The following RPH3A variants were observed in gnomAD, a reference collection of about 807,000 sequenced individuals.
The protein encoded by RPH3A is rabphilin-3A.
In RPH3A, 48 loss-of-function variants were observed where a neutral mutation model predicts 102.2. The observed-to-expected ratio is 0.47, with a 90% CI of 0.37 to 0.60. The LOEUF (loss-of-function observed/expected upper bound fraction) is 0.60. Among genes scored for constraint, RPH3A ranks in the 20% least tolerant of loss-of-function variants. The pLI, the probability that RPH3A is intolerant of heterozygous loss-of-function variation, is 0.00. For missense variants in RPH3A, 781 were observed against 910.1 expected, an observed-to-expected ratio of 0.86 and a Z score of 1.83; for synonymous variants, 310 against 324.3, an observed-to-expected ratio of 0.96 and a Z score of 0.47.
chr12:112,617,412 G>T (rs1201303894), intron 1 of RPH3A, among the ~76,000 whole-genome samples: 1 of 152,280 alleles, frequency 6.6e-6, no homozygotes, highest in Non-Finnish European at 1.5e-5. Context: ...AAGGCTGGTT[G>T]GATTCAGGTT....
intron 1 of RPH3A, among the ~76,000 whole-genome samples, chr12:112,645,694 T>C (rs1417227898): frequency 2.0e-5 from 3 of 152,194 alleles, no homozygotes; most frequent in Admixed American, 6.5e-5. Context: ...TTGGATTTCA[T>C]AGGATGTCTC....
chr12:112,828,410 GGGA>G, intron 3 of RPH3A, 21 bp downstream of exon 3: 1 of 1,580,738 alleles, frequency 6.3e-7, no homozygotes, highest in African/African-American at 1.4e-5. Flanking sequence ...GCATCTTCCT[GGGA>G]GTGGCTTGTT....
intron 1 of RPH3A, among the ~76,000 whole-genome samples, chr12:112,724,238 T>A (rs2040571666): frequency 1.3e-5 from 2 of 151,924 alleles, no homozygotes; most frequent in Non-Finnish European, 2.9e-5. Context: ...AAATAATTTT[T>A]TTGTTTGGTA....
At chr12:112,732,189 C>G (rs56301544) in intron 1 of RPH3A, among the ~76,000 whole-genome samples, 4,346 of 152,196 alleles carry the variant, frequency 0.029, 214 homozygotes, top group African/African-American at 0.098. Flanking sequence ...CAGAATGATG[C>G]CCAAGGGAAA....
chr12:112,621,216 G>A lies in RPH3A; in HGVS notation c.-140+45897G>A, dbSNP rs139175976. 7.3e-3 allele frequency among the ~76,000 whole-genome samples: 1,109 copies of A among 152,098 alleles called. 18 individuals are homozygous for A. Among genetic ancestry groups the A allele is most frequent in the African/African-American group, 0.026 (1,077 of 41,482 alleles). On this transcript the variant is annotated intron_variant, in intron 1 of 21. Transcript: ENST00000543106. ...TTGGGTTGGAGGAGCCAAGATGGCC[G>A]AATAGGAACAGCTCCGGTCTACAGC...
intron 19 of RPH3A, chr12:112,894,085 G>A (rs921184241): frequency 1.2e-5 from 2 of 165,438 alleles, no homozygotes; most frequent in African/African-American, 4.8e-5. Flanking sequence ...GTTTTGAGAA[G>A]TGGAGTGACA....
At chr12:112,755,463 G>GGTAGA (rs1310934601) in intron 1 of RPH3A, among the ~76,000 whole-genome samples, 8 of 152,170 alleles carry the variant, frequency 5.3e-5, no homozygotes, top group African/African-American at 1.9e-4. Context: ...GCTCATGCTA[G>GGTAGA]GTAGAGTGTT....
intron 2 of RPH3A, among the ~76,000 whole-genome samples, chr12:112,811,913 T>C (rs1300766913): frequency 6.6e-6 from 1 of 152,146 alleles, no homozygotes; most frequent in Non-Finnish European, 1.5e-5. Flanking sequence ...ATCCAGAGGC[T>C]CAACAATAGG....
At chr12:112,850,845 C>A (rs998512396) in intron 5 of RPH3A, 3 of 152,150 alleles carry the variant, frequency 2.0e-5, no homozygotes, top group Non-Finnish European at 4.4e-5. Context: ...AGTTCCCCAC[C>A]CATCAAATGA....
chr12:112,741,191 A>C (rs533776217), intron 1 of RPH3A, among the ~76,000 whole-genome samples: 5 of 152,224 alleles, frequency 3.3e-5, no homozygotes, highest in Non-Finnish European at 7.3e-5. Context: ...AAAACAAAAC[A>C]GAAAACAAGT....
intron 5 of RPH3A, among the ~76,000 whole-genome samples, chr12:112,849,412 T>C (rs962626450): frequency 8.1e-6 from 1 of 123,346 alleles, no homozygotes; most frequent in African/African-American, 3.6e-5. Context: ...ACTGGCAGTG[T>C]GTGTGTGTGT....
At chr12:112,815,718 C>G (rs1003104746) in intron 2 of RPH3A, among the ~76,000 whole-genome samples, 1 of 152,220 alleles carries the variant, frequency 6.6e-6, no homozygotes, top group South Asian at 2.1e-4. Flanking sequence ...CAGCCAGGGG[C>G]CATTAAGCTA....
chr12:112,668,800 T>A (rs1306073978), intron 1 of RPH3A, among the ~76,000 whole-genome samples: 1 of 152,110 alleles, frequency 6.6e-6, no homozygotes, highest in Non-Finnish European at 1.5e-5. Context: ...GTTCAGCATA[T>A]GTATTCCAGA....
intron 1 of RPH3A, among the ~76,000 whole-genome samples, chr12:112,598,103 G>A (rs2039531218): frequency 6.6e-6 from 1 of 152,236 alleles, no homozygotes; most frequent in African/African-American, 2.4e-5. Context: ...CACAGTTGCT[G>A]AGGGCAACCG....
At chr12:112,604,825 T>A (rs2039583556) in intron 1 of RPH3A, among the ~76,000 whole-genome samples, 1 of 152,174 alleles carries the variant, frequency 6.6e-6, no homozygotes, top group Non-Finnish European at 1.5e-5. Context: ...GTCTCTCAGT[T>A]CCTTGTCTCG....
At chr12:112,708,899 A>T (rs1203417404) in intron 1 of RPH3A, among the ~76,000 whole-genome samples, 1 of 152,220 alleles carries the variant, frequency 6.6e-6, no homozygotes, top group Non-Finnish European at 1.5e-5. Flanking sequence ...TGCTATAGAT[A>T]GGAAAATAAA....
chr12:112,607,285 C>T (rs1009892528), intron 1 of RPH3A, among the ~76,000 whole-genome samples: 1 of 152,192 alleles, frequency 6.6e-6, no homozygotes, highest in South Asian at 2.1e-4. Flanking sequence ...TATAGCACAC[C>T]CATACTATTT....
chr12:112,863,659 AC>A (rs2136216834), intron 5 of RPH3A, among the ~76,000 whole-genome samples: 1 of 152,302 alleles, frequency 6.6e-6, no homozygotes, highest in East Asian at 1.9e-4. Context: ...TAGCTGTGTG[AC>A]CTTGGGTAAG....
At chr12:112,674,042 A>G (rs994300546) in intron 1 of RPH3A, among the ~76,000 whole-genome samples, 1 of 152,116 alleles carries the variant, frequency 6.6e-6, no homozygotes, top group Non-Finnish European at 1.5e-5. Flanking sequence ...TACAGGTGTG[A>G]GGCACAGCAC....
Sources: allele counts gnomAD v4.1 joint callset (sites outside exome capture counted in the v4.1 genomes callset), GRCh38; gene constraint gnomAD v4.1.1; transcripts MANE v1.5; gene names NCBI Gene and HGNC (gene_info 2026-07-23, HGNC 2026-07-21).